AGBL4: variants seen among roughly 807,000 people sequenced by gnomAD.
AGBL4 encodes the protein cytosolic carboxypeptidase 6.
AGBL4 carries 58 observed loss-of-function variants against 66.4 expected under a neutral mutation model. The ratio of observed to expected loss-of-function variants is 0.87; its 90% CI spans 0.71 to 1.09. The LOEUF (loss-of-function observed/expected upper bound fraction) is 1.09, where lower values mean the gene tolerates loss of function less well. Among genes scored for constraint, AGBL4 ranks in the 50% least tolerant of loss-of-function variants. The probability of loss-of-function intolerance (pLI) is 0.00; values close to 1 mark genes in which losing one functional copy is unlikely to be tolerated. For missense variants in AGBL4, 579 were observed against 631.0 expected (o/e 0.92, Z 0.88); for synonymous variants, 234 against 222.9 (o/e 1.05, Z -0.44).
intron 5 of AGBL4, among the ~76,000 whole-genome samples, chr1:48,973,518 A>T: frequency 6.6e-6 from 1 of 152,172 alleles, no homozygotes; most frequent in South Asian, 2.1e-4. Context: ...TGGCCTACTT[A>T]TGCTTTGTCT....
intron 4 of AGBL4, among the ~76,000 whole-genome samples, chr1:49,118,777 A>G (rs921362906): frequency 3.3e-5 from 5 of 152,234 alleles, no homozygotes; most frequent in African/African-American, 1.2e-4. Context: ...GAATGGTACC[A>G]GCACCTCTTT....
rs184083348 is a variant in AGBL4 at position 48,721,123 on chromosome 1, A to G, written c.635-57882T>C. Among the ~76,000 whole-genome samples the G allele has an allele frequency of 5.0e-3, 754 of 152,140 alleles. 5 individuals carry two copies. The highest frequency in any genetic ancestry group is 8.4e-3 in the Non-Finnish European group (569 of 68,022). ...TCCACAGGGGAAGGAGAGTGTGGAT[A>G]GTGCAAGGCCATTTATAACTGGGCT... On this transcript the variant is annotated intron_variant, in intron 6 of 13. Transcript: ENST00000371839.
At chr1:49,852,274 ACT>A (rs1450197152) in intron 1 of AGBL4, among the ~76,000 whole-genome samples, 2 of 152,250 alleles carry the variant, frequency 1.3e-5, no homozygotes, top group East Asian at 3.9e-4. Context: ...GCAAGCAGTG[ACT>A]CCTTCATGGC....
At chr1:49,441,967 G>A (rs1312864674) in intron 3 of AGBL4, among the ~76,000 whole-genome samples, 2 of 152,166 alleles carry the variant, frequency 1.3e-5, no homozygotes, top group Non-Finnish European at 2.9e-5. Context: ...TATGGCAACT[G>A]CTGAGTGCCC....
chr1:49,316,766 T>A (rs924741494), intron 3 of AGBL4, among the ~76,000 whole-genome samples: 2 of 151,874 alleles, frequency 1.3e-5, no homozygotes, highest in Non-Finnish European at 2.9e-5. Context: ...CAATTTTGTA[T>A]CTGGAAATTT....
chr1:48,747,831 C>T (rs1345861386), intron 6 of AGBL4, among the ~76,000 whole-genome samples: 1 of 152,148 alleles, frequency 6.6e-6, no homozygotes, highest in Non-Finnish European at 1.5e-5. Flanking sequence ...TAGAAATCAC[C>T]TATTTTTTCA....
intron 5 of AGBL4, among the ~76,000 whole-genome samples, chr1:48,873,497 A>T (rs1253690152): frequency 4.6e-5 from 7 of 150,854 alleles, no homozygotes; most frequent in Non-Finnish European, 7.4e-5. Context: ...TGACCTCCTC[A>T]CTCCTCCATC....
intron 3 of AGBL4, among the ~76,000 whole-genome samples, chr1:49,562,490 G>A (rs1644075303): frequency 6.6e-6 from 1 of 152,136 alleles, no homozygotes; most frequent in South Asian, 2.1e-4. Context: ...TTTGTATAAG[G>A]TGTAAGGAAG....
At chr1:49,650,766 G>C (rs1645987154) in intron 3 of AGBL4, among the ~76,000 whole-genome samples, 1 of 152,226 alleles carries the variant, frequency 6.6e-6, no homozygotes, top group African/African-American at 2.4e-5. Flanking sequence ...TGATACAAAG[G>C]AAATGTGAAC....
chr1:49,413,049 G>A (rs1371388908), intron 3 of AGBL4, among the ~76,000 whole-genome samples: 1 of 151,974 alleles, frequency 6.6e-6, no homozygotes, highest in East Asian at 1.9e-4. Flanking sequence ...CCAGAATGCA[G>A]TAGATTGAAG....
intron 2 of AGBL4, among the ~76,000 whole-genome samples, chr1:49,768,399 A>G (rs58335663): frequency 1.2e-3 from 178 of 152,368 alleles, no homozygotes; most frequent in African/African-American, 4.2e-3. Flanking sequence ...GTGATTCGCC[A>G]CATAAACAGA....
At position 49,093,207 on chromosome 1, in the gene AGBL4, C is replaced by A. The variant is rs1202421864; in HGVS notation, c.378-47407G>T. 4.6e-5 allele frequency among the ~76,000 whole-genome samples: 7 copies of A among 152,132 alleles called. No individual in the cohort carries two copies. In the South Asian group the frequency reaches 8.3e-4, roughly 18 times the overall value. On this transcript the variant is annotated intron_variant, in intron 4 of 13. Coordinates refer to ENST00000371839, the MANE Select transcript of AGBL4 (RefSeq NM_032785.4). ...GGGACAGATGTCAGTCCCCTCCCAG[C>A]ATCTTTTGCTGATGAGGGGGCTCTA... is the stretch of plus-strand genomic sequence containing the variant.
At chr1:49,371,954 T>G (rs1208333071) in intron 3 of AGBL4, among the ~76,000 whole-genome samples, 1 of 151,834 alleles carries the variant, frequency 6.6e-6, no homozygotes, top group Non-Finnish European at 1.5e-5. Flanking sequence ...ACATATTTCT[T>G]TCTACTGGAA....
At chr1:49,468,172 G>A (rs1374189448) in intron 3 of AGBL4, among the ~76,000 whole-genome samples, 2 of 151,820 alleles carry the variant, frequency 1.3e-5, no homozygotes, top group East Asian at 1.9e-4. Flanking sequence ...TGGGACTTGA[G>A]TATGTAAGGA....
chr1:48,539,807 T>G, intron 11 of AGBL4, 69 bp from the exon 12 acceptor site: 1 of 1,032,640 alleles, frequency 9.7e-7, no homozygotes, highest in Admixed American at 3.3e-5. Flanking sequence ...GAACTACTAA[T>G]AAAAATAATA....
At chr1:49,753,620 G>C (rs1651651409) in intron 2 of AGBL4, among the ~76,000 whole-genome samples, 1 of 152,132 alleles carries the variant, frequency 6.6e-6, no homozygotes, top group Non-Finnish European at 1.5e-5. Context: ...GGCCTGTTTT[G>C]CTAGGTTGGG....
chr1:49,849,428 T>A (rs1044552807), intron 2 of AGBL4, among the ~76,000 whole-genome samples: 2 of 124,734 alleles, frequency 1.6e-5, no homozygotes, highest in African/African-American at 2.7e-5. Flanking sequence ...TTATTATTAT[T>A]ATTATGTATA....
intron 3 of AGBL4, among the ~76,000 whole-genome samples, chr1:49,265,759 T>A (rs1414107252): frequency 6.6e-6 from 1 of 152,206 alleles, no homozygotes; most frequent in Non-Finnish European, 1.5e-5. Context: ...TACAACTATA[T>A]ACATTACATA....
intron 2 of AGBL4, among the ~76,000 whole-genome samples, chr1:49,816,050 C>G (rs1275060935): frequency 6.6e-6 from 1 of 152,032 alleles, no homozygotes; most frequent in African/African-American, 2.4e-5. Context: ...TGCCACCATG[C>G]CTGGCTATGT....
Sources: allele counts gnomAD v4.1 joint callset (sites outside exome capture counted in the v4.1 genomes callset), GRCh38; gene constraint gnomAD v4.1.1; transcripts MANE v1.5; gene names NCBI Gene and HGNC (gene_info 2026-07-23, HGNC 2026-07-21).